Variants in NSUN3 observed in about 807,000 individuals in gnomAD.
NSUN3 encodes NOP2/Sun RNA methyltransferase 3.
In NSUN3, 24 loss-of-function variants were observed where a neutral mutation model predicts 36.8. The ratio of observed to expected loss-of-function variants is 0.65; its 90% CI spans 0.47 to 0.92. The LOEUF (loss-of-function observed/expected upper bound fraction) is 0.92. NSUN3 is among the 40% of genes least tolerant of loss of function. The pLI is 0.00. For missense variants in NSUN3, 381 were observed against 392.8 expected (o/e 0.97, Z 0.25); for synonymous variants, 146 against 145.2 (o/e 1.01, Z -0.04).
At chr3:94,121,797 T>C (rs1246393549) in intron 5 of NSUN3, among the ~76,000 whole-genome samples, 1 of 152,200 alleles carries the variant, frequency 6.6e-6, no homozygotes, top group African/African-American at 2.4e-5. Flanking sequence ...ATCTGGAACC[T>C]CAGGGAATAC....
chr3:94,107,974 CTT>C (rs11437686), intron 5 of NSUN3, among the ~76,000 whole-genome samples: 5 of 114,454 alleles, frequency 4.4e-5, no homozygotes, highest in African/African-American at 1.0e-4. Flanking sequence ...TTTTTTTTTC[CTT>C]TTTTTTTTTT....
At chr3:94,087,231 T>A (rs550016999) in intron 3 of NSUN3, among the ~76,000 whole-genome samples, 5 of 152,340 alleles carry the variant, frequency 3.3e-5, no homozygotes, top group African/African-American at 1.2e-4. Flanking sequence ...TTAGGTTAGC[T>A]ACAGTGCTTG....
chr3:94,099,947 C>G (rs1322875711), intron 5 of NSUN3, among the ~76,000 whole-genome samples: 1 of 152,108 alleles, frequency 6.6e-6, no homozygotes, highest in African/African-American at 2.4e-5. Context: ...TAACAAAAGG[C>G]AATCCTTTTA....
chr3:94,128,560 TG>T lies in NSUN3; in HGVS notation c.*2071del, dbSNP rs1396354127. ...TTACTGAAAAATGGATGCACGTGTG[TG>T]TGTGTGTGTGTGTGTGTGTGTGTAT... On this transcript the variant is annotated 3_prime_UTR_variant, in exon 6 of 6. Coordinates refer to ENST00000314622, the MANE Select transcript of NSUN3 (RefSeq NM_022072.5). 2.8e-5 allele frequency: 4 copies of T among 144,528 alleles called. No individual in the cohort carries two copies. The highest frequency in any genetic ancestry group is 6.0e-5 in the Non-Finnish European group (4 of 66,602). The allele number at this position is 144,528 out of a possible 1,614,324, so 9.0% of individuals were successfully genotyped here. A position where few individuals can be genotyped will look rare whatever the true frequency, so the allele number is the denominator to read the frequency against.
chr3:94,064,349 C>G, intron 1 of NSUN3, 88 bp from the exon 2 acceptor site: 2 of 779,214 alleles, frequency 2.6e-6, no homozygotes, highest in East Asian at 5.1e-5. Context: ...AAAAAGTGTT[C>G]TTGTCTTAAA....
intron 2 of NSUN3, among the ~76,000 whole-genome samples, chr3:94,079,694 A>G (rs1463133035): frequency 6.6e-6 from 1 of 151,530 alleles, no homozygotes; most frequent in Admixed American, 6.6e-5. Flanking sequence ...AGTCTCTCAT[A>G]TCTTTTCTTC....
intron 2 of NSUN3, among the ~76,000 whole-genome samples, chr3:94,081,081 C>A (rs577797136): frequency 6.6e-6 from 1 of 152,296 alleles, no homozygotes; most frequent in South Asian, 2.1e-4. Context: ...GTTGCATAGA[C>A]CATGGGGAAA....
intron 3 of NSUN3, among the ~76,000 whole-genome samples, chr3:94,089,732 C>T (rs2077306994): frequency 6.6e-6 from 1 of 152,196 alleles, no homozygotes; most frequent in African/African-American, 2.4e-5. Flanking sequence ...AAATGGGGCA[C>T]TTGACCTCCA....
intron 5 of NSUN3, among the ~76,000 whole-genome samples, chr3:94,118,170 C>A (rs933682377): frequency 8.5e-5 from 13 of 152,074 alleles, no homozygotes; most frequent in Non-Finnish European, 1.6e-4. Context: ...TTTGATCATT[C>A]TACATTGTAA....
intron 2 of NSUN3, among the ~76,000 whole-genome samples, chr3:94,083,708 G>A (rs915601559): frequency 2.0e-5 from 3 of 152,024 alleles, no homozygotes; most frequent in Non-Finnish European, 4.4e-5. Context: ...AGGGAGTAGC[G>A]CCTGGTTCTT....
At chr3:94,099,804 G>GAAAA (rs34896138) in intron 5 of NSUN3, among the ~76,000 whole-genome samples, 21 of 141,870 alleles carry the variant, frequency 1.5e-4, no homozygotes, top group Non-Finnish European at 3.1e-4. Context: ...TTCAAAAAAT[G>GAAAA]AAAAAAAAAA....
intron 5 of NSUN3, among the ~76,000 whole-genome samples, chr3:94,125,645 C>T (rs1472811567): frequency 6.6e-6 from 1 of 152,226 alleles, no homozygotes; most frequent in Admixed American, 6.5e-5. Context: ...ATTCTGTTCT[C>T]TACCCCTATT....
chr3:94,095,358 G>A (rs1275440595), intron 5 of NSUN3, among the ~76,000 whole-genome samples: 1 of 152,164 alleles, frequency 6.6e-6, no homozygotes, highest in African/African-American at 2.4e-5. Context: ...CACCCCCAGT[G>A]ATGTGTAGTA....
At chr3:94,098,101 C>T (rs1448077534) in intron 5 of NSUN3, among the ~76,000 whole-genome samples, 1 of 152,124 alleles carries the variant, frequency 6.6e-6, no homozygotes, top group Non-Finnish European at 1.5e-5. Flanking sequence ...TTCCACCAAC[C>T]TGCCTCTTCC....
intron 2 of NSUN3, among the ~76,000 whole-genome samples, chr3:94,070,392 T>G (rs1252837454): frequency 6.6e-6 from 1 of 151,798 alleles, no homozygotes; most frequent in Non-Finnish European, 1.5e-5. Context: ...GTCCAGGAGG[T>G]CGAGGCTTCA....
chr3:94,101,710 A>T (rs949948995), intron 5 of NSUN3, among the ~76,000 whole-genome samples: 1 of 152,330 alleles, frequency 6.6e-6, no homozygotes, highest in East Asian at 1.9e-4. Context: ...TGCCTTTATT[A>T]TCATTTCTCA....
intron 5 of NSUN3, among the ~76,000 whole-genome samples, chr3:94,117,241 C>G (rs950538469): frequency 1.3e-5 from 2 of 152,002 alleles, no homozygotes; most frequent in Admixed American, 6.5e-5. Flanking sequence ...CACAAGTGAT[C>G]TGTCCCCTTT....
chr3:94,112,163 ATCTGCTTTACTCAGTCTAACAATTC>A (rs1395501121), intron 5 of NSUN3, among the ~76,000 whole-genome samples: 1 of 152,218 alleles, frequency 6.6e-6, no homozygotes, highest in African/African-American at 2.4e-5. Context: ...ATGGAGGGCC[ATCTGCTTTACTCAGTCTAACAATTC>A]AGATGTTACT....
At chr3:94,067,348 T>C (rs2077209074) in intron 2 of NSUN3, among the ~76,000 whole-genome samples, 1 of 152,356 alleles carries the variant, frequency 6.6e-6, no homozygotes, top group Non-Finnish European at 1.5e-5. Flanking sequence ...TTAATCTGTA[T>C]GCTTTCATTA....
Sources: gnomAD v4.1 joint callset for allele counts (sites outside exome capture counted in the v4.1 genomes callset) on GRCh38, gnomAD v4.1.1 for gene constraint, MANE v1.5 for transcripts, NCBI Gene and HGNC (gene_info 2026-07-23, HGNC 2026-07-21) for gene names.